RBFOX1: variants seen among roughly 807,000 people sequenced by gnomAD.
RBFOX1 encodes RNA binding fox-1 homolog 1.
RBFOX1 carries 8 observed loss-of-function variants against 57.7 expected under a neutral mutation model. That is an observed-to-expected ratio of 0.14 (90% CI 0.08 to 0.25). The LOEUF (loss-of-function observed/expected upper bound fraction) is 0.25. Ranked by LOEUF, RBFOX1 falls within the 10% of genes least tolerant of loss-of-function variation. RBFOX1 has a pLI of 1.00. For missense variants in RBFOX1, 611 were observed against 548.5 expected, an observed-to-expected ratio of 1.11 and a Z score of -1.14; for synonymous variants, 326 against 222.4, an observed-to-expected ratio of 1.47 and a Z score of -4.15.
chr16:6,887,965 C>T (rs1603636831), intron 3 of RBFOX1, among the ~76,000 whole-genome samples: 1 of 152,060 alleles, frequency 6.6e-6, no homozygotes, highest in African/African-American at 2.4e-5. Context: ...CCTGTCCCAT[C>T]CTCATCATTT....
At chr16:5,688,044 G>A (rs1401368358) in intron 3 of RBFOX1, among the ~76,000 whole-genome samples, 2 of 152,286 alleles carry the variant, frequency 1.3e-5, no homozygotes, top group Middle Eastern at 3.4e-3. Flanking sequence ...TACAAAATTT[G>A]ATCCAACCAG....
At chr16:6,469,921 G>A (rs2095136263) in intron 2 of RBFOX1, among the ~76,000 whole-genome samples, 1 of 152,172 alleles carries the variant, frequency 6.6e-6, no homozygotes, top group Admixed American at 6.5e-5. Context: ...CAATCTGTAA[G>A]CAGGTAAAGA....
At chr16:5,648,061 T>C (rs985358183) in intron 3 of RBFOX1, among the ~76,000 whole-genome samples, 1 of 152,200 alleles carries the variant, frequency 6.6e-6, no homozygotes, top group African/African-American at 2.4e-5. Context: ...GGTTTCACTG[T>C]ATTGGCCAGG....
intron 4 of RBFOX1, among the ~76,000 whole-genome samples, chr16:7,427,636 T>A (rs1406963396): frequency 6.6e-6 from 1 of 151,818 alleles, no homozygotes; most frequent in Non-Finnish European, 1.5e-5. Context: ...TTTTATTTTT[T>A]TTTATTTTTA....
intron 4 of RBFOX1, among the ~76,000 whole-genome samples, chr16:7,301,209 A>G (rs953225409): frequency 4.6e-5 from 7 of 152,212 alleles, no homozygotes; most frequent in Admixed American, 6.5e-5. Context: ...CCTATTCCTG[A>G]TTAAGGAGCA....
chr16:7,246,162 T>C (rs899344205), intron 4 of RBFOX1, among the ~76,000 whole-genome samples: 3 of 152,232 alleles, frequency 2.0e-5, no homozygotes, highest in Non-Finnish European at 4.4e-5. Context: ...TCAAGTTTGC[T>C]GAAGCCAAGA....
intron 4 of RBFOX1, among the ~76,000 whole-genome samples, chr16:7,091,817 A>G (rs543444678): frequency 6.6e-6 from 1 of 152,358 alleles, no homozygotes; most frequent in East Asian, 1.9e-4. Flanking sequence ...TTAACTGAGT[A>G]TAGAGATGGC....
intron 4 of RBFOX1, among the ~76,000 whole-genome samples, chr16:7,383,001 G>C (rs74012513): frequency 6.6e-6 from 1 of 152,114 alleles, no homozygotes; most frequent in South Asian, 2.1e-4. Flanking sequence ...CATTAAACTT[G>C]ACATATGGTA....
Position 6,446,858 on chromosome 16 carries a change from C to T in RBFOX1, c.-64+129801C>T, listed in dbSNP as rs141054706. Among the ~76,000 whole-genome samples the T allele has an allele frequency of 4.1e-4, 62 of 152,188 alleles. 1 individual carries two copies. The highest frequency in any genetic ancestry group is 1.3e-3 in the African/African-American group (55 of 41,518). The stretch of plus-strand genomic sequence containing the variant: ...TTACCTTTGCTTGTCAGCCACATAG[C>T]GCTCTTTTTACTGAGACCTAAAAGT... On this transcript the variant is annotated intron_variant, in intron 2 of 15. Coordinates refer to ENST00000550418, the MANE Select transcript of RBFOX1 (RefSeq NM_018723.4).
intron 5 of RBFOX1, among the ~76,000 whole-genome samples, chr16:7,527,102 G>A (rs1035665479): frequency 2.6e-5 from 4 of 152,264 alleles, no homozygotes; most frequent in African/African-American, 7.2e-5. Flanking sequence ...AACATGTTTC[G>A]GTGGCTTCAA....
intron 3 of RBFOX1, among the ~76,000 whole-genome samples, chr16:6,987,490 C>G (rs1022028025): frequency 2.1e-5 from 3 of 142,074 alleles, no homozygotes; most frequent in Non-Finnish European, 4.4e-5. Context: ...CACACACACA[C>G]ACACACACAC....
intron 4 of RBFOX1, among the ~76,000 whole-genome samples, chr16:7,058,723 T>TC (rs1319460118): frequency 3.3e-5 from 5 of 152,258 alleles, no homozygotes; most frequent in Admixed American, 6.5e-5. Context: ...AATGGATTTT[T>TC]TTCATTAACT....
rs112985083 is a variant in RBFOX1 at position 7,656,105 on chromosome 16, T to C, written c.890+2158T>C. ...TTGTACCTCCTTGCTGATAATAGTATGGCTGGCATTCTAAAGCCATACTTG... is the reference window on the plus strand; with the variant it reads ...TTGTACCTCCTTGCTGATAATAGTACGGCTGGCATTCTAAAGCCATACTTG... On this transcript the variant is annotated intron_variant, in intron 12 of 15. Coordinates refer to ENST00000550418, the MANE Select transcript of RBFOX1 (RefSeq NM_018723.4). 1.1e-3 allele frequency among the ~76,000 whole-genome samples: 169 copies of C among 152,318 alleles called. 2 individuals carry two copies. Among genetic ancestry groups the C allele is most frequent in the African/African-American group, 3.8e-3 (159 of 41,580 alleles).
At chr16:6,973,858 T>C (rs1178538614) in intron 3 of RBFOX1, among the ~76,000 whole-genome samples, 1 of 152,252 alleles carries the variant, frequency 6.6e-6, no homozygotes, top group African/African-American at 2.4e-5. Context: ...CATGGTGGTT[T>C]ACTGTGCCTG....
At chr16:5,334,820 A>G (rs537365623) in intron 1 of RBFOX1, among the ~76,000 whole-genome samples, 1 of 151,692 alleles carries the variant, frequency 6.6e-6, no homozygotes, top group South Asian at 2.1e-4. Context: ...GACAATGACC[A>G]CAGTTGGCCA....
intron 2 of RBFOX1, among the ~76,000 whole-genome samples, chr16:6,615,073 G>A (rs1384007079): frequency 6.6e-6 from 1 of 152,228 alleles, no homozygotes; most frequent in Non-Finnish European, 1.5e-5. Context: ...CGAGGGCCAT[G>A]TGGATGGTAT....
At chr16:6,332,422 T>C (rs2083154270) in intron 2 of RBFOX1, among the ~76,000 whole-genome samples, 1 of 152,126 alleles carries the variant, frequency 6.6e-6, no homozygotes, top group Non-Finnish European at 1.5e-5. Flanking sequence ...AAACAGATAT[T>C]AGAAAGGTTG....
At chr16:6,131,063 T>G (rs2096626264) in intron 1 of RBFOX1, among the ~76,000 whole-genome samples, 1 of 152,236 alleles carries the variant, frequency 6.6e-6, no homozygotes, top group Non-Finnish European at 1.5e-5. Context: ...ATGCATACTC[T>G]ATGTTTCCAT....
chr16:7,510,137 G>C (rs978865011), intron 4 of RBFOX1: 1 of 985,754 alleles, frequency 1.0e-6, no homozygotes, highest in Non-Finnish European at 1.2e-6. Context: ...TTGAGGGGGA[G>C]GTCAGCCAGG....
Sources: gnomAD v4.1 joint callset for allele counts (sites outside exome capture counted in the v4.1 genomes callset) on GRCh38, gnomAD v4.1.1 for gene constraint, MANE v1.5 for transcripts, NCBI Gene and HGNC (gene_info 2026-07-23, HGNC 2026-07-21) for gene names.